Variants in ADGRL3 observed in about 807,000 individuals in gnomAD.
ADGRL3 encodes adhesion G protein-coupled receptor L3.
Under a neutral mutation model 153.5 loss-of-function variants are expected in ADGRL3, and 62 were observed. The observed-to-expected ratio is 0.40, with a 90% CI of 0.33 to 0.50. The LOEUF (loss-of-function observed/expected upper bound fraction) is 0.50. Among genes scored for constraint, ADGRL3 ranks in the 20% least tolerant of loss-of-function variants. ADGRL3 has a pLI of 0.47. For missense variants in ADGRL3, 1,641 were observed against 1,859.4 expected, an observed-to-expected ratio of 0.88 and a Z score of 2.16; for synonymous variants, 710 against 672.5, an observed-to-expected ratio of 1.06 and a Z score of -0.86.
Position 61,224,141 on chromosome 4 carries a change from T to C in ADGRL3, c.-240+22376T>C, listed in dbSNP as rs188877191. Among the ~76,000 whole-genome samples, 300 of 152,300 alleles carry C rather than the reference T, an allele frequency of 2.0e-3. 2 individuals are homozygous for C. The highest frequency in any genetic ancestry group is 6.7e-3 in the African/African-American group (278 of 41,586). ...CTGTGTGGGGCCGCAAAATCAGATT[T>C]GATGAAAATTTCATGTCTAATAACT... On this transcript the variant is annotated intron_variant, in intron 1 of 26. Transcript: ENST00000683033.
intron 1 of ADGRL3, among the ~76,000 whole-genome samples, chr4:61,306,074 T>G (rs1369766776): frequency 2.0e-5 from 3 of 151,898 alleles, no homozygotes; most frequent in African/African-American, 7.3e-5. Context: ...AAGGATGAAC[T>G]TATTTATTTA....
At chr4:61,456,473 ATATC>A (rs2097755629) in intron 2 of ADGRL3, among the ~76,000 whole-genome samples, 2 of 129,368 alleles carry the variant, frequency 1.5e-5, no homozygotes, top group African/African-American at 5.6e-5. Context: ...AGATATATCT[ATATC>A]TATATATATA....
At chr4:61,906,546 A>T (rs1206285285) in intron 11 of ADGRL3, 1 of 152,040 alleles carries the variant, frequency 6.6e-6, no homozygotes, top group African/African-American at 2.4e-5. Context: ...TATCTGTGGG[A>T]TTATTTCTTG....
At chr4:61,985,970 G>T (rs1399542361) in intron 19 of ADGRL3, among the ~76,000 whole-genome samples, 1 of 149,316 alleles carries the variant, frequency 6.7e-6, no homozygotes, top group Non-Finnish European at 1.5e-5. Context: ...TAGGGGAGGG[G>T]TGTTAGGTTG....
chr4:61,364,288 G>A (rs142240356), intron 1 of ADGRL3, among the ~76,000 whole-genome samples: 2,684 of 148,668 alleles, frequency 0.018, 97 homozygotes, highest in African/African-American at 0.063. Flanking sequence ...AGCCAAGATC[G>A]CACCACTGCA....
At chr4:61,582,164 T>A (rs1442375057) in intron 4 of ADGRL3, among the ~76,000 whole-genome samples, 1 of 152,004 alleles carries the variant, frequency 6.6e-6, no homozygotes, top group Non-Finnish European at 1.5e-5. Context: ...AGGCTGTAGC[T>A]CTTATTATTT....
chr4:61,597,501 T>A lies in ADGRL3; in HGVS notation c.473+10061T>A, dbSNP rs2098993836. ...TACATATTAATGTTCTCCTGGAGAT[T>A]TGAATTTACTTAGCAAATGTAGTGC... On this transcript the variant is annotated intron_variant, in intron 5 of 26. Coordinates refer to ENST00000683033, the MANE Select transcript of ADGRL3 (RefSeq NM_001387552.1). 2.0e-5 allele frequency among the ~76,000 whole-genome samples: 3 copies of A among 152,106 alleles called. No homozygotes were observed. The South Asian group carries it at 6.2e-4, about 32-fold the overall frequency.
chr4:61,632,895 T>G (rs2150048047), intron 5 of ADGRL3, among the ~76,000 whole-genome samples: 1 of 152,310 alleles, frequency 6.6e-6, no homozygotes, highest in Non-Finnish European at 1.5e-5. Context: ...GGCTCATTAC[T>G]TATTTTTTTC....
At chr4:61,643,840 A>G (rs2093816739) in intron 5 of ADGRL3, among the ~76,000 whole-genome samples, 1 of 146,844 alleles carries the variant, frequency 6.8e-6, no homozygotes, top group Non-Finnish European at 1.5e-5. Context: ...TTTTCTATTG[A>G]TTGGAATAGT....
At chr4:61,693,100 GT>G (rs1435866540) in intron 6 of ADGRL3, among the ~76,000 whole-genome samples, 1 of 151,784 alleles carries the variant, frequency 6.6e-6, no homozygotes, top group African/African-American at 2.4e-5. Flanking sequence ...ATAAGAATAG[GT>G]TTTTTTATTA....
chr4:62,000,787 A>AT (rs953182799), intron 21 of ADGRL3, among the ~76,000 whole-genome samples: 5 of 151,220 alleles, frequency 3.3e-5, no homozygotes, highest in African/African-American at 4.9e-5. Context: ...TTATTTATTT[A>AT]TTTTTTTTTC....
intron 24 of ADGRL3, among the ~76,000 whole-genome samples, chr4:62,042,313 T>G (rs761392906): frequency 6.6e-6 from 1 of 151,936 alleles, no homozygotes; most frequent in African/African-American, 2.4e-5. Flanking sequence ...TAGGAGATGT[T>G]AGTGACTGTT....
intron 1 of ADGRL3, among the ~76,000 whole-genome samples, chr4:61,281,378 G>A (rs932874956): frequency 6.6e-6 from 1 of 152,010 alleles, no homozygotes; most frequent in Non-Finnish European, 1.5e-5. Flanking sequence ...TAACCTTTGG[G>A]TACCCCAAGA....
At chr4:61,592,243 T>C (rs2098972687) in intron 5 of ADGRL3, among the ~76,000 whole-genome samples, 1 of 152,102 alleles carries the variant, frequency 6.6e-6, no homozygotes, top group East Asian at 1.9e-4. Flanking sequence ...TGTGAGGAGG[T>C]GAAATGCCAG....
chr4:61,214,954 T>G (rs543818931), intron 1 of ADGRL3, among the ~76,000 whole-genome samples: 1 of 151,460 alleles, frequency 6.6e-6, no homozygotes, highest in Admixed American at 6.6e-5. Context: ...AAAAAATCAA[T>G]AAAAATAGAT....
intron 1 of ADGRL3, among the ~76,000 whole-genome samples, chr4:61,359,467 C>T (rs191480103): frequency 1.1e-4 from 16 of 152,264 alleles, no homozygotes; most frequent in African/African-American, 2.6e-4. Context: ...CCTCTGCAGC[C>T]GCCCATTAGC....
chr4:61,291,625 TAA>T (rs1560434805), intron 1 of ADGRL3, among the ~76,000 whole-genome samples: 25 of 75,092 alleles, frequency 3.3e-4, no homozygotes, highest in East Asian at 2.0e-3. Context: ...TATATATATA[TAA>T]AATATTTATT....
chr4:62,057,877 C>T (rs2151829389), intron 25 of ADGRL3, among the ~76,000 whole-genome samples: 1 of 152,216 alleles, frequency 6.6e-6, no homozygotes, highest in Middle Eastern at 3.4e-3. Context: ...CAGGATTTCA[C>T]CATGCTGGCC....
intron 2 of ADGRL3, among the ~76,000 whole-genome samples, chr4:61,401,571 A>C (rs2096930417): frequency 6.6e-6 from 1 of 152,020 alleles, no homozygotes; most frequent in Non-Finnish European, 1.5e-5. Context: ...TTATTGAATA[A>C]CTATTATGGT....
Sources: gnomAD v4.1 joint callset for allele counts (sites outside exome capture counted in the v4.1 genomes callset) on GRCh38, gnomAD v4.1.1 for gene constraint, MANE v1.5 for transcripts, NCBI Gene and HGNC (gene_info 2026-07-23, HGNC 2026-07-21) for gene names.